Variants in MGAT4C observed in about 807,000 individuals in gnomAD.
MGAT4C encodes the protein MGAT4 family member C.
MGAT4C carries 19 observed loss-of-function variants against 40.1 expected under a neutral mutation model. That is an observed-to-expected ratio of 0.47 (90% CI 0.33 to 0.70). The LOEUF is 0.70. Among genes scored for constraint, MGAT4C ranks in the 30% least tolerant of loss-of-function variants. MGAT4C has a pLI of 0.02. For synonymous variants in MGAT4C, 181 were observed against 187.1 expected, an observed-to-expected ratio of 0.97 and a Z score of 0.27; for missense variants, 491 against 563.2, an observed-to-expected ratio of 0.87 and a Z score of 1.30.
intron 2 of MGAT4C, among the ~76,000 whole-genome samples, chr12:86,014,297 A>G (rs1468592448): frequency 1.3e-5 from 2 of 152,098 alleles, no homozygotes; most frequent in African/African-American, 4.8e-5. Flanking sequence ...CAACCCCTAA[A>G]CCGGAACTGG....
intron 4 of MGAT4C, among the ~76,000 whole-genome samples, chr12:86,310,160 T>C (rs1954034214): frequency 6.6e-6 from 1 of 152,074 alleles, no homozygotes; most frequent in East Asian, 1.9e-4. Context: ...CTCAATTTTT[T>C]TTTTTTTTGC....
chr12:86,704,440 TTAAC>T (rs1950421543), intron 2 of MGAT4C, among the ~76,000 whole-genome samples: 1 of 152,106 alleles, frequency 6.6e-6, no homozygotes, highest in African/African-American at 2.4e-5. Flanking sequence ...TTTACTATAA[TTAAC>T]TTTCAAGTTA....
At chr12:86,019,676 T>G (rs1447536404) in intron 2 of MGAT4C, among the ~76,000 whole-genome samples, 2 of 151,274 alleles carry the variant, frequency 1.3e-5, no homozygotes, top group East Asian at 3.9e-4. Flanking sequence ...CAATGTGGGC[T>G]TTTTTTTGGT....
chr12:86,232,396 T>C (rs1218466004), intron 1 of MGAT4C, among the ~76,000 whole-genome samples: 1 of 152,214 alleles, frequency 6.6e-6, no homozygotes, highest in Non-Finnish European at 1.5e-5. Flanking sequence ...TACCAACTAC[T>C]TCAAATGTGG....
At chr12:86,414,038 G>T (rs1321884223) in intron 3 of MGAT4C, among the ~76,000 whole-genome samples, 3 of 151,730 alleles carry the variant, frequency 2.0e-5, no homozygotes, top group Non-Finnish European at 4.4e-5. Flanking sequence ...TTTCAAGGAA[G>T]AAATTGCTCC....
chr12:86,110,043 T>C (rs1009145974), intron 1 of MGAT4C, among the ~76,000 whole-genome samples: 1 of 150,940 alleles, frequency 6.6e-6, no homozygotes, highest in Non-Finnish European at 1.5e-5. Flanking sequence ...CCTGTAAAAG[T>C]TATAACTTCA....
intron 1 of MGAT4C, among the ~76,000 whole-genome samples, chr12:86,824,624 T>G (rs1489319843): frequency 2.7e-5 from 4 of 150,636 alleles, no homozygotes; most frequent in African/African-American, 9.7e-5. Context: ...GATGGTGTCA[T>G]GTCCCAGAGG....
At chr12:86,330,484 T>C (rs146680596) in intron 4 of MGAT4C, among the ~76,000 whole-genome samples, 143 of 152,304 alleles carry the variant, frequency 9.4e-4, no homozygotes, top group African/African-American at 3.4e-3. Context: ...GAGAAAAATA[T>C]ATTGGCATAC....
intron 2 of MGAT4C, among the ~76,000 whole-genome samples, chr12:86,438,785 T>C (rs1957178669): frequency 6.6e-6 from 1 of 151,738 alleles, no homozygotes; most frequent in Non-Finnish European, 1.5e-5. Flanking sequence ...GAAAAATATA[T>C]TCCACACAAA....
intron 2 of MGAT4C, among the ~76,000 whole-genome samples, chr12:86,510,000 T>A (rs1421457272): frequency 1.3e-5 from 2 of 152,188 alleles, no homozygotes; most frequent in African/African-American, 4.8e-5. Flanking sequence ...AGTCATGTCG[T>A]CTGCAAACAG....
chr12:86,479,463 T>C (rs1423262268), intron 2 of MGAT4C, among the ~76,000 whole-genome samples: 1 of 151,888 alleles, frequency 6.6e-6, no homozygotes, highest in Non-Finnish European at 1.5e-5. Flanking sequence ...TAACTGTGTA[T>C]TGCTATTTAG....
rs554263663 is a variant in MGAT4C at position 85,978,192 on chromosome 12, G to A, written c.*1097C>T. The stretch of plus-strand genomic sequence containing the variant: ...AGATGGTATAACTTATTATCTGACA[G>A]GCATGTAGCAAATAGAACACAAAGC... On this transcript the variant is annotated 3_prime_UTR_variant, in exon 5 of 5. Coordinates refer to ENST00000611864, the MANE Select transcript of MGAT4C (RefSeq NM_001351288.2). The A allele has an allele frequency of 5.0e-4, 76 of 151,634 alleles. No individual in the cohort carries two copies. Among genetic ancestry groups the A allele is most frequent in the African/African-American group, 1.8e-3 (74 of 41,460 alleles). 9.4% of individuals were successfully genotyped at this position (151,634 alleles called of 1,614,324 possible).
chr12:86,774,343 C>CTTTCTTTCTTTCTTTT (rs1565981678), intron 1 of MGAT4C, among the ~76,000 whole-genome samples: 3 of 54,500 alleles, frequency 5.5e-5, no homozygotes, highest in African/African-American at 1.1e-4. Context: ...TTCTTTCTGT[C>CTTTCTTTCTTTCTTTT]TCTCTCTCTC....
chr12:86,536,172 T>C (rs1325551116), intron 2 of MGAT4C, among the ~76,000 whole-genome samples: 30 of 152,144 alleles, frequency 2.0e-4, no homozygotes, highest in Non-Finnish European at 2.9e-5. Context: ...TTCATTATTA[T>C]AACCTCATCA....
rs1958021032 is a variant in MGAT4C, at chr12:86,486,420, A to AC, written c.-228-51156_-228-51155insG. ...CACACACACACACACACACACACAC[A>AC]AAAGAGCATGAGTTACTATTCTTAC... On this transcript the variant is annotated intron_variant, in intron 2 of 7. Coordinates refer to the MGAT4C transcript ENST00000548651. Among the ~76,000 whole-genome samples, 7 of 145,692 alleles carry AC rather than the reference A, an allele frequency of 4.8e-5. No individual in the cohort carries two copies. The South Asian group carries it at 6.6e-4, about 14-fold the overall frequency.
chr12:86,018,150 G>A (rs1330550212), intron 2 of MGAT4C, among the ~76,000 whole-genome samples: 1 of 152,116 alleles, frequency 6.6e-6, no homozygotes, highest in African/African-American at 2.4e-5. Context: ...CTTCAGGGTT[G>A]CACTTCCTCA....
chr12:86,267,896 G>A (rs1464100364), intron 4 of MGAT4C, among the ~76,000 whole-genome samples: 1 of 152,108 alleles, frequency 6.6e-6, no homozygotes. Flanking sequence ...TGCAATTCCT[G>A]AGTAACTCTA....
At chr12:86,417,873 A>C (rs1466447163) in intron 3 of MGAT4C, among the ~76,000 whole-genome samples, 1 of 152,120 alleles carries the variant, frequency 6.6e-6, no homozygotes, top group African/African-American at 2.4e-5. Context: ...AATTATCAAA[A>C]GCCAAAAAAC....
chr12:86,511,717 T>C (rs1958590919), intron 2 of MGAT4C, among the ~76,000 whole-genome samples: 1 of 152,064 alleles, frequency 6.6e-6, no homozygotes, highest in South Asian at 2.1e-4. Context: ...AAAATTGGAA[T>C]TGTTTCTTGC....
Sources: gnomAD v4.1 joint callset for allele counts (sites outside exome capture counted in the v4.1 genomes callset) on GRCh38, gnomAD v4.1.1 for gene constraint, MANE v1.5 for transcripts, NCBI Gene and HGNC (gene_info 2026-07-23, HGNC 2026-07-21) for gene names.